EIF3E: variants seen among roughly 807,000 people sequenced by gnomAD.
The protein encoded by EIF3E is eIF-3 p48.
Under a neutral mutation model 59.3 loss-of-function variants are expected in EIF3E, and 25 were observed. The ratio of observed to expected loss-of-function variants is 0.42; its 90% CI spans 0.31 to 0.59. The LOEUF (loss-of-function observed/expected upper bound fraction) is 0.59. EIF3E is among the 20% of genes least tolerant of loss of function. The pLI is 0.15. For missense variants in EIF3E, 317 were observed against 534.3 expected (o/e 0.59, Z 4.01); for synonymous variants, 176 against 170.2 (o/e 1.03, Z -0.26).
intron 7 of EIF3E, among the ~76,000 whole-genome samples, chr8:108,223,237 T>C (rs1239404174): frequency 6.6e-6 from 1 of 152,108 alleles, no homozygotes; most frequent in Non-Finnish European, 1.5e-5. Flanking sequence ...AGCTGGACCT[T>C]AAAAACAGAT....
chr8:108,239,056 T>TC (rs1277382630), intron 3 of EIF3E, among the ~76,000 whole-genome samples: 1 of 152,164 alleles, frequency 6.6e-6, no homozygotes, highest in Non-Finnish European at 1.5e-5. Context: ...AAAACTACCC[T>TC]CCTTGGGCAT....
intron 5 of EIF3E, 91 bp from the exon 6 acceptor site, chr8:108,229,286 C>T: frequency 7.9e-7 from 1 of 1,267,716 alleles, no homozygotes; most frequent in Non-Finnish European, 1.1e-6. Flanking sequence ...CTCTAGCCTA[C>T]TAAAAGACCT....
rs868445338 is a variant in EIF3E, at chr8:108,224,300, A to C, written c.722+3967T>G. Among the ~76,000 whole-genome samples the C allele has an allele frequency of 7.9e-5, 12 of 151,728 alleles. No individual in the cohort carries two copies. In the Middle Eastern group the frequency reaches 0.014, roughly 172 times the overall value. On this transcript the variant is annotated intron_variant, in intron 7 of 12. Coordinates refer to ENST00000220849, the MANE Select transcript of EIF3E (RefSeq NM_001568.3). ...ATAATATCCATTGAACATGCAATCA[A>C]CCAACTACCTACTGTGCTATAAGAA...
At chr8:108,233,660 A>C in intron 5 of EIF3E, 1 of 415,042 alleles carries the variant, frequency 2.4e-6, no homozygotes, top group South Asian at 1.7e-5. Flanking sequence ...TGGGCAACAT[A>C]GCAAGACTCC....
At chr8:108,228,462 T>A in intron 6 of EIF3E, 71 bp from the exon 7 acceptor site, 1 of 1,207,776 alleles carries the variant, frequency 8.3e-7, no homozygotes, top group Non-Finnish European at 1.1e-6. Context: ...CAAACATCAC[T>A]AACTTCAAAA....
chr8:108,212,593 G>C (rs1254438495), intron 10 of EIF3E, among the ~76,000 whole-genome samples: 1 of 152,178 alleles, frequency 6.6e-6, no homozygotes, highest in African/African-American at 2.4e-5. Flanking sequence ...CTTGAGGCCA[G>C]GAGTTCAAGA....
intron 8 of EIF3E, among the ~76,000 whole-genome samples, chr8:108,216,864 T>G (rs1282831602): frequency 6.6e-6 from 1 of 152,180 alleles, no homozygotes; most frequent in Non-Finnish European, 1.5e-5. Flanking sequence ...TTTAATACAC[T>G]CTTAAATAAA....
chr8:108,218,782 C>T (rs372335436), intron 7 of EIF3E, among the ~76,000 whole-genome samples: 18 of 111,092 alleles, frequency 1.6e-4, no homozygotes, highest in Non-Finnish European at 1.2e-4. Context: ...TATTTTATTT[C>T]TTTTTTTTTT....
chr8:108,215,490 C>T (rs902448984), intron 9 of EIF3E, among the ~76,000 whole-genome samples: 4 of 151,922 alleles, frequency 2.6e-5, no homozygotes, highest in South Asian at 2.1e-4. Context: ...TGGTGGTGGG[C>T]GCCTATGGTC....
intron 7 of EIF3E, among the ~76,000 whole-genome samples, chr8:108,224,645 T>C (rs1459991766): frequency 6.6e-6 from 1 of 151,626 alleles, no homozygotes; most frequent in Non-Finnish European, 1.5e-5. Flanking sequence ...AAAGTCATCA[T>C]ACTACTGAGT....
At chr8:108,241,445 AAAAC>A (rs1436346854) in intron 2 of EIF3E, among the ~76,000 whole-genome samples, 1 of 152,128 alleles carries the variant, frequency 6.6e-6, no homozygotes, top group Non-Finnish European at 1.5e-5. Flanking sequence ...ATTAAAAAAA[AAAAC>A]ACAAAACTCT....
At chr8:108,210,347 G>C (rs1025169639) in intron 10 of EIF3E, among the ~76,000 whole-genome samples, 1 of 152,106 alleles carries the variant, frequency 6.6e-6, no homozygotes, top group African/African-American at 2.4e-5. Context: ...GAAGGCCTGG[G>C]ATAAAACCAG....
intron 4 of EIF3E, among the ~76,000 whole-genome samples, chr8:108,235,402 G>A (rs563049141): frequency 2.6e-5 from 4 of 152,254 alleles, no homozygotes; most frequent in East Asian, 1.9e-4. Context: ...AGCTGGATTC[G>A]CATAAGGAGC....
intron 7 of EIF3E, among the ~76,000 whole-genome samples, chr8:108,225,377 T>C (rs35790023): frequency 0.18 from 26,771 of 151,446 alleles, 2,940 homozygotes; most frequent in East Asian, 0.4. Context: ...GTGGTTTTTC[T>C]GGTGTTGTAT....
rs141159744 is a variant in EIF3E at position 108,216,353 on chromosome 8, G to A, written c.951+59C>T. ...TTAAGGAAGACACTGCAAGATTAAC[G>A]TTACAATATCCAAAAATTTAAGAAT... is the stretch of plus-strand genomic sequence containing the variant. On this transcript the variant is annotated intron_variant, in intron 9 of 12. Transcript: ENST00000220849. 283 of 1,285,020 alleles carry A rather than the reference G, an allele frequency of 2.2e-4. No homozygotes were observed. The African/African-American group carries it at 3.5e-3, about 16-fold the overall frequency. The allele number at this position is 1,285,020 out of a possible 1,614,324, so 79.6% of individuals were successfully genotyped here. A position where few individuals can be genotyped will look rare whatever the true frequency, so the allele number is the denominator to read the frequency against.
At chr8:108,204,845 A>G (rs1195935069) in intron 10 of EIF3E, among the ~76,000 whole-genome samples, 1 of 150,958 alleles carries the variant, frequency 6.6e-6, no homozygotes, top group Non-Finnish European at 1.5e-5. Context: ...AGACCAGACC[A>G]TGAAGATCTT....
At chr8:108,203,911 T>C (rs1380545386) in intron 10 of EIF3E, among the ~76,000 whole-genome samples, 1 of 151,674 alleles carries the variant, frequency 6.6e-6, no homozygotes, top group African/African-American at 2.4e-5. Context: ...AAACCATAGA[T>C]AGAAAATATT....
chr8:108,243,110 A>G (rs1815873681), intron 1 of EIF3E, among the ~76,000 whole-genome samples: 1 of 152,250 alleles, frequency 6.6e-6, no homozygotes, highest in South Asian at 2.1e-4. Context: ...CAGCATACTC[A>G]TAATAGATTA....
intron 10 of EIF3E, among the ~76,000 whole-genome samples, chr8:108,205,261 G>A (rs907616715): frequency 1.3e-5 from 2 of 152,110 alleles, no homozygotes; most frequent in Admixed American, 1.3e-4. Context: ...TAACCAAAGT[G>A]CACGCACCGT....
Sources: gnomAD v4.1 joint callset for allele counts (sites outside exome capture counted in the v4.1 genomes callset) on GRCh38, gnomAD v4.1.1 for gene constraint, MANE v1.5 for transcripts, NCBI Gene and HGNC (gene_info 2026-07-23, HGNC 2026-07-21) for gene names.